NTRK3: variants seen among roughly 807,000 people sequenced by gnomAD.
NTRK3 encodes the protein neurotrophic receptor tyrosine kinase 3.
NTRK3 carries 24 observed loss-of-function variants against 91.7 expected under a neutral mutation model. That is an observed-to-expected ratio of 0.26 (90% confidence interval 0.19 to 0.37). The LOEUF (loss-of-function observed/expected upper bound fraction) is 0.37, where lower values mean the gene tolerates loss of function less well. Ranked by LOEUF, NTRK3 falls within the 10% of genes least tolerant of loss-of-function variation. NTRK3 has a pLI of 1.00. For synonymous variants in NTRK3, 483 were observed against 404.0 expected (o/e 1.20, Z -2.34); for missense variants, 880 against 1,068.9 (o/e 0.82, Z 2.46).
intron 5 of NTRK3, among the ~76,000 whole-genome samples, chr15:88,181,432 C>A (rs973717828): frequency 6.6e-6 from 1 of 152,148 alleles, no homozygotes; most frequent in South Asian, 2.1e-4. Context: ...TCAGAGCCAC[C>A]TGCAGCCCAA....
rs117744455 is a variant in NTRK3, at chr15:88,213,007, C to T, written c.249-28708G>A. ...GGGGTCCCATCGCCTGGGCACCTGA[C>T]GCCAACAGCCCATGCAGAATGGCCC... On this transcript the variant is annotated intron_variant, in intron 3 of 18. Coordinates refer to ENST00000394480, the Ensembl canonical transcript of NTRK3. Among the ~76,000 whole-genome samples, 191 of 152,356 alleles carry T rather than the reference C, an allele frequency of 1.3e-3. 1 individual carries two copies. Among genetic ancestry groups the T allele is most frequent in the East Asian group, 1.9e-3 (10 of 5,184 alleles).
intron 13 of NTRK3, among the ~76,000 whole-genome samples, chr15:88,043,049 T>C (rs1414678597): frequency 6.6e-6 from 1 of 152,206 alleles, no homozygotes; most frequent in Middle Eastern, 3.2e-3. Context: ...AAGAAGCCCA[T>C]GACATTTCCA....
chr15:88,166,997 A>G (rs1167502930), intron 5 of NTRK3, among the ~76,000 whole-genome samples: 1 of 152,122 alleles, frequency 6.6e-6, no homozygotes, highest in African/African-American at 2.4e-5. Context: ...TACTGCAAAA[A>G]TTCCTCCAAG....
At chr15:87,983,712 A>G (rs1334780293) in intron 14 of NTRK3, among the ~76,000 whole-genome samples, 1 of 152,214 alleles carries the variant, frequency 6.6e-6, no homozygotes, top group East Asian at 1.9e-4. Context: ...CCACTTTGCA[A>G]TACGGATCTC....
At chr15:88,195,949 C>G (rs887295110) in intron 3 of NTRK3, among the ~76,000 whole-genome samples, 3 of 152,164 alleles carry the variant, frequency 2.0e-5, no homozygotes, top group East Asian at 1.9e-4. Context: ...GCCAGGCCAC[C>G]CTTTACTGAA....
intron 3 of NTRK3, among the ~76,000 whole-genome samples, chr15:88,227,691 G>A (rs555955118): frequency 6.6e-6 from 1 of 152,204 alleles, no homozygotes; most frequent in African/African-American, 2.4e-5. Flanking sequence ...CTTCGTTATG[G>A]CAGCAGCAGC....
At chr15:88,019,280 G>C (rs1171192274) in intron 14 of NTRK3, among the ~76,000 whole-genome samples, 1 of 152,250 alleles carries the variant, frequency 6.6e-6, no homozygotes, top group East Asian at 1.9e-4. Flanking sequence ...CAGGATGACA[G>C]TATTTGCAAG....
intron 3 of NTRK3, among the ~76,000 whole-genome samples, chr15:88,223,649 A>G (rs1382440907): frequency 1.3e-5 from 2 of 152,164 alleles, no homozygotes; most frequent in African/African-American, 2.4e-5. Context: ...AAAGTACTCA[A>G]CCTTTTGGGG....
chr15:88,134,059 G>A (rs1031397161), intron 10 of NTRK3, among the ~76,000 whole-genome samples: 2 of 152,174 alleles, frequency 1.3e-5, no homozygotes, highest in Non-Finnish European at 2.9e-5. Context: ...AGCTCTTTCT[G>A]CCTTTTCCCT....
exon 19 of NTRK3, chr15:87,863,797 G>T (rs1051200595): frequency 4.3e-6 from 1 of 231,228 alleles, no homozygotes; most frequent in African/African-American, 2.2e-5. Flanking sequence ...GTTTCTGAAG[G>T]AAATATTTGG....
chr15:87,893,714 C>A (rs537465118), intron 17 of NTRK3, among the ~76,000 whole-genome samples: 1 of 152,314 alleles, frequency 6.6e-6, no homozygotes, highest in East Asian at 1.9e-4. Context: ...CTGCTTCTCA[C>A]TGAGAGGTTC....
At chr15:88,176,929 A>T (rs1272610194) in intron 5 of NTRK3, among the ~76,000 whole-genome samples, 1 of 152,252 alleles carries the variant, frequency 6.6e-6, no homozygotes, top group Non-Finnish European at 1.5e-5. Context: ...AAGGAAGGCC[A>T]CAAAGTTTGA....
chr15:88,021,306 G>C (rs894688023), intron 14 of NTRK3, among the ~76,000 whole-genome samples: 1 of 152,230 alleles, frequency 6.6e-6, no homozygotes, highest in South Asian at 2.1e-4. Context: ...GCCCATCTGG[G>C]CACTGTCACA....
intron 13 of NTRK3, among the ~76,000 whole-genome samples, chr15:88,051,927 C>G (rs2080865409): frequency 6.6e-6 from 1 of 152,120 alleles, no homozygotes; most frequent in South Asian, 2.1e-4. Flanking sequence ...CTCATCAAAG[C>G]AAGAGGACTT....
intron 5 of NTRK3, among the ~76,000 whole-genome samples, chr15:88,176,561 A>G (rs561103849): frequency 6.6e-6 from 1 of 152,328 alleles, no homozygotes; most frequent in African/African-American, 2.4e-5. Flanking sequence ...TGTCACACAG[A>G]GCGTACCAAG....
In NTRK3 at chr15:88,213,597, A is replaced by C. The variant is rs143553594; in HGVS notation, c.249-29298T>G. 2.7e-3 allele frequency among the ~76,000 whole-genome samples: 413 copies of C among 152,052 alleles called. 1 individual carries two copies. Among genetic ancestry groups the C allele is most frequent in the South Asian group, 7.3e-3 (35 of 4,806 alleles). On this transcript the variant is annotated intron_variant, in intron 3 of 18. Coordinates refer to ENST00000394480, the Ensembl canonical transcript of NTRK3. ...GCGGGAGTGTAGATGGACTTCAAAT[A>C]ATAATCACAAACACGCAGTGTTTTC... is the stretch of plus-strand genomic sequence containing the variant.
chr15:87,865,554 G>A (rs1327687032), exon 19 of NTRK3: 1 of 216,842 alleles, frequency 4.6e-6, no homozygotes, highest in Non-Finnish European at 9.3e-6. Flanking sequence ...GCTGGTCCTG[G>A]CATGAACAGG....
intron 17 of NTRK3, among the ~76,000 whole-genome samples, chr15:87,918,943 G>T (rs1346698132): frequency 6.6e-6 from 1 of 152,186 alleles, no homozygotes; most frequent in Non-Finnish European, 1.5e-5. Flanking sequence ...CCGAGTGACT[G>T]AACTGGGACT....
intron 13 of NTRK3, among the ~76,000 whole-genome samples, chr15:88,049,782 T>C (rs1287991575): frequency 6.6e-6 from 1 of 152,136 alleles, no homozygotes; most frequent in Non-Finnish European, 1.5e-5. Flanking sequence ...CATTAACCAA[T>C]TGAAAGAGAG....
Sources: allele counts gnomAD v4.1 joint callset (sites outside exome capture counted in the v4.1 genomes callset), GRCh38; gene constraint gnomAD v4.1.1; transcripts MANE v1.5; gene names NCBI Gene and HGNC (gene_info 2026-07-23, HGNC 2026-07-21).